Variants in PEX10 observed in about 807,000 individuals in gnomAD.
PEX10 encodes the protein peroxisome biogenesis factor 10.
In PEX10, 32 loss-of-function variants were observed where a neutral mutation model predicts 38.0. That is an observed-to-expected ratio of 0.84 (90% CI 0.63 to 1.13). PEX10 has a LOEUF of 1.13. Ranked by LOEUF, PEX10 falls within the 50% of genes most tolerant of loss-of-function variation. The probability of loss-of-function intolerance (pLI) is 0.00; values close to 1 mark genes in which losing one functional copy is unlikely to be tolerated. For synonymous variants in PEX10, 206 were observed against 207.3 expected, an observed-to-expected ratio of 0.99 and a Z score of 0.05; for missense variants, 483 against 457.7, an observed-to-expected ratio of 1.06 and a Z score of -0.51.
rs569889116 is a variant in PEX10, at chr1:2,406,360, C to T, written c.912+124G>A. 4 of 1,316,182 alleles carry T rather than the reference C, an allele frequency of 3.0e-6. No homozygotes were observed. The African/African-American group carries it at 5.8e-5, about 19-fold the overall frequency. 81.5% of individuals were successfully genotyped at this position (1,316,182 alleles called of 1,614,324 possible). ...TACCTGGGAGCCTTTAAAAAGATGCCCACCTCTGTACCCTCAAAACTGGAG... is the reference window on the plus strand; with the variant it reads ...TACCTGGGAGCCTTTAAAAAGATGCTCACCTCTGTACCCTCAAAACTGGAG... On this transcript the variant is annotated intron_variant, in intron 5 of 5. Transcript: ENST00000447513.
At position 2,406,256 on chromosome 1, in the gene PEX10, T is replaced by C. The variant is rs1435497188; in HGVS notation, c.912+228A>G. Among the ~76,000 whole-genome samples the C allele has an allele frequency of 9.2e-5, 14 of 152,286 alleles. No homozygotes were observed. The South Asian group carries it at 2.1e-3, about 23-fold the overall frequency. On this transcript the variant is annotated intron_variant, in intron 5 of 5. Transcript: ENST00000447513. ...CGTGGGGCCTTTCAGGGCTGGCCAC[T>C]ACCCCAACCTGCATTCGGCAAAGCC...
rs1642920089 is a variant in PEX10, at chr1:2,404,137, C to G, written c.*1629G>C. ...GAGACACTGACATGCGAGTGAAGGC[C>G]TCTCCTCCTGGGCCCCGGGCTGCGC... is the stretch of plus-strand genomic sequence containing the variant. On this transcript the variant is annotated 3_prime_UTR_variant, in exon 6 of 6. Coordinates refer to ENST00000447513, the MANE Select transcript of PEX10 (RefSeq NM_002617.4). 4 of 152,128 alleles carry G rather than the reference C, an allele frequency of 2.6e-5. No individual in the cohort carries two copies. Among genetic ancestry groups the G allele is most frequent in the Admixed American group, 6.5e-5 (1 of 15,274 alleles). 9.4% of individuals were successfully genotyped at this position (152,128 alleles called of 1,614,324 possible).
At chr1:2,408,365 G>A in intron 3 of PEX10, 87 bp downstream of exon 3, 1 of 1,427,556 alleles carries the variant, frequency 7.0e-7, no homozygotes, top group South Asian at 1.1e-5. Context: ...TGAGAGGCCT[G>A]GAGGGCCAGC....
Position 2,406,482 on chromosome 1 carries a change from A to C in PEX10, c.912+2T>G. The C allele has an allele frequency of 6.2e-7, 1 of 1,611,222 alleles. No homozygotes were observed. The highest frequency in any genetic ancestry group is 8.5e-7 in the Non-Finnish European group (1 of 1,179,892). Reference sequence around the variant, plus strand: ...CAGGACGGCAGCAGGCTCCCACCTCACCTTGCTGCTGCACCACGCGGTGAT... The same window carrying C: ...CAGGACGGCAGCAGGCTCCCACCTCCCCTTGCTGCTGCACCACGCGGTGAT... On this transcript the variant is annotated splice_donor_variant, in intron 5 of 5. Coordinates refer to ENST00000447513, the MANE Select transcript of PEX10 (RefSeq NM_002617.4). LOFTEE classifies it high-confidence loss of function.
intron 5 of PEX10, 93 bp from the exon 6 acceptor site, chr1:2,405,927 CAT>C (rs1185388639): frequency 1.1e-6 from 1 of 946,872 alleles, no homozygotes; most frequent in Non-Finnish European, 1.6e-6. Flanking sequence ...ATTCTCTGCA[CAT>C]GACACACAAC....
In PEX10 at chr1:2,408,635, T is replaced by C. The variant is rs780687424; in HGVS notation, c.417A>G (p.Ser139=). Residue 139 remains serine (S), a synonymous_variant, in exon 3 of 6, where the codon TCA becomes TCG. Transcript: ENST00000447513. Reference sequence around the variant, plus strand: ...GGTGACGCATCCAGCGCCGCGCCCCTGAGCAGCCACGCCCACCTGGCCCCA... The same window carrying C: ...GGTGACGCATCCAGCGCCGCGCCCCCGAGCAGCCACGCCCACCTGGCCCCA... ...GSLGPGGRGC[S]GARRWMRHHT... is the part of the protein sequence containing the mutation. 17 of 1,610,706 alleles carry C rather than the reference T, an allele frequency of 1.1e-5. No homozygotes were observed. The highest frequency in any genetic ancestry group is 1.4e-5 in the Non-Finnish European group (17 of 1,179,254).
Position 2,412,510 on chromosome 1 carries a change from G to A in PEX10, c.-8C>T. On this transcript the variant is annotated 5_prime_UTR_variant, in exon 1 of 6. Transcript: ENST00000447513. Reference sequence around the variant, plus strand: ...GGCGGCGGCCGGGGCCATGGCCGCGGGTTCGGGTGGTCCCGAGCAGCCACG... The same window carrying A: ...GGCGGCGGCCGGGGCCATGGCCGCGAGTTCGGGTGGTCCCGAGCAGCCACG... The A allele has an allele frequency of 7.4e-7, 1 of 1,350,228 alleles. No individual in the cohort carries two copies. Among genetic ancestry groups the A allele is most frequent in the Non-Finnish European group, 9.5e-7 (1 of 1,054,834 alleles). The allele number at this position is 1,350,228 out of a possible 1,614,324, so 83.6% of individuals were successfully genotyped here. A position where few individuals can be genotyped will look rare whatever the true frequency, so the allele number is the denominator to read the frequency against.
At position 2,410,982 on chromosome 1, in the gene PEX10, TCTC is replaced by T. The variant is rs530360131; in HGVS notation, c.113-534_113-532del. On this transcript the variant is annotated intron_variant, in intron 1 of 5. Transcript: ENST00000447513. The surrounding 1 kb of genome is among the most constrained non-coding windows in gnomAD (Gnocchi z 5.1). ...ACAAGTAAGTACACACACAAAAAAT[TCTC>T]ATCATGTCACTCTCCTGTTCAGAAT... is the stretch of plus-strand genomic sequence containing the variant. 1,397 of 415,712 alleles carry T rather than the reference TCTC, an allele frequency of 3.4e-3. 16 individuals carry two copies. The highest frequency in any genetic ancestry group is 0.027 in the African/African-American group (1,305 of 49,154). 25.8% of individuals were successfully genotyped at this position (415,712 alleles called of 1,614,324 possible). A position where few individuals can be genotyped will look rare whatever the true frequency, so the allele number is the denominator to read the frequency against.
At chr1:2,408,345 C>A in intron 3 of PEX10, 107 bp downstream of exon 3, 1 of 1,209,124 alleles carries the variant, frequency 8.3e-7, no homozygotes, top group South Asian at 1.2e-5. Flanking sequence ...GGATGTAGAA[C>A]CCTGTTGGCT....
Position 2,410,044 on chromosome 1 carries a change from C to T in PEX10, c.193+327G>A. On this transcript the variant is annotated intron_variant, in intron 2 of 5. Transcript: ENST00000447513. This position sits in a 1 kb window ranked among gnomAD's most constrained non-coding sequence, Gnocchi z 5.1. Reference sequence around the variant, plus strand: ...CCACTGCTCCACCAGGGCACTGTCACACGGGCACTGCACCCTATGACATGG... The same window carrying T: ...CCACTGCTCCACCAGGGCACTGTCATACGGGCACTGCACCCTATGACATGG... The T allele has an allele frequency of 2.7e-6, 1 of 372,428 alleles. No homozygotes were observed. The highest frequency in any genetic ancestry group is 5.2e-6 in the Non-Finnish European group (1 of 192,392). 23.1% of individuals were successfully genotyped at this position (372,428 alleles called of 1,614,324 possible).
rs911470303 is a variant in PEX10 at position 2,407,097 on chromosome 1, G to A, written c.601-202C>T. 5.6e-5 allele frequency: 40 copies of A among 718,226 alleles called. 2 individuals are homozygous for A. The South Asian group carries it at 6.0e-4, about 11-fold the overall frequency. 44.5% of individuals were successfully genotyped at this position (718,226 alleles called of 1,614,324 possible). A position where few individuals can be genotyped will look rare whatever the true frequency, so the allele number is the denominator to read the frequency against. On this transcript the variant is annotated intron_variant, in intron 3 of 5. Transcript: ENST00000447513. Reference sequence around the variant, plus strand: ...TGCCTGCTTCGTAGCCTAGCATGACGGAGAGGCCTGAGCTCCAGACCAGCC... The same window carrying A: ...TGCCTGCTTCGTAGCCTAGCATGACAGAGAGGCCTGAGCTCCAGACCAGCC...
In PEX10 at chr1:2,406,711, C is replaced by T. The variant is rs528387404; in HGVS notation, c.776+9G>A. On this transcript the variant is annotated intron_variant, in intron 4 of 5. Transcript: ENST00000447513. ...ACCCCCAGCCCCCATGTGTGGCCCC[C>T]GCACGCACCTGCGGTGAGACAGGCC... 80 of 1,608,904 alleles carry T rather than the reference C, an allele frequency of 5.0e-5. No individual in the cohort carries two copies. Among genetic ancestry groups the T allele is most frequent in the South Asian group, 4.6e-4 (42 of 90,440 alleles).
upstream of PEX10, among the ~76,000 whole-genome samples, chr1:2,413,430 G>A (rs1643356298): frequency 6.6e-6 from 1 of 152,390 alleles, no homozygotes; most frequent in Middle Eastern, 3.4e-3. Context: ...CACACCTGGA[G>A]GGGACAGAAC....
Position 2,404,772 on chromosome 1 carries a change from G to A in PEX10, c.*994C>T, listed in dbSNP as rs997587976. On this transcript the variant is annotated 3_prime_UTR_variant, in exon 6 of 6. Coordinates refer to ENST00000447513, the MANE Select transcript of PEX10 (RefSeq NM_002617.4). ...CGCCCTCGAGGCATTTTAACACTGC[G>A]CTTCAGGAAATCTCAAGTTCCATCT... 6.6e-6 allele frequency: 1 copy of A among 152,374 alleles called. No individual in the cohort carries two copies. The highest frequency in any genetic ancestry group is 1.5e-5 in the Non-Finnish European group (1 of 68,050). 9.4% of individuals were successfully genotyped at this position (152,374 alleles called of 1,614,324 possible).
At chr1:2,407,027 C>T (rs1002674741) in intron 3 of PEX10, 132 bp from the exon 4 acceptor site, 16 of 1,280,066 alleles carry the variant, frequency 1.2e-5, no homozygotes, top group African/African-American at 8.8e-5. Context: ...GGGGAGTGCC[C>T]GGCAGAAACG....
chr1:2,412,812 G>C (rs1337811938), upstream of PEX10, among the ~76,000 whole-genome samples: 1 of 152,112 alleles, frequency 6.6e-6, no homozygotes, highest in South Asian at 2.1e-4. Context: ...GCGAGGCAGC[G>C]GGATGGGCTC....
At chr1:2,406,979 G>T in intron 3 of PEX10, 84 bp from the exon 4 acceptor site, 4 of 1,537,970 alleles carry the variant, frequency 2.6e-6, no homozygotes, top group South Asian at 2.4e-5. Flanking sequence ...ACGTTCAGTT[G>T]GCACAGAGCA....
intron 5 of PEX10, among the ~76,000 whole-genome samples, chr1:2,406,272 C>T (rs1322263458): frequency 3.3e-5 from 5 of 152,194 alleles, no homozygotes; most frequent in Admixed American, 6.5e-5. Context: ...AACCTGCATT[C>T]GGCAAAGCCT....
At position 2,410,732 on chromosome 1, in the gene PEX10, A is replaced by G. The variant is rs1052741192; in HGVS notation, c.113-281T>C. On this transcript the variant is annotated intron_variant, in intron 1 of 5. Coordinates refer to ENST00000447513, the MANE Select transcript of PEX10 (RefSeq NM_002617.4). This position sits in a 1 kb window ranked among gnomAD's most constrained non-coding sequence, Gnocchi z 5.1. Reference sequence around the variant, plus strand: ...CTGTTCTAGGGCCTATGAGGGCCACATGGAAAGATGGTCTGGGGTATTAAG... The same window carrying G: ...CTGTTCTAGGGCCTATGAGGGCCACGTGGAAAGATGGTCTGGGGTATTAAG... 2 of 538,986 alleles carry G rather than the reference A, an allele frequency of 3.7e-6. 1 individual carries two copies. Among genetic ancestry groups the G allele is most frequent in the East Asian group, 9.4e-5 (2 of 21,352 alleles). 33.4% of individuals were successfully genotyped at this position (538,986 alleles called of 1,614,324 possible).
Sources: allele counts gnomAD v4.1 joint callset (sites outside exome capture counted in the v4.1 genomes callset), GRCh38; gene constraint gnomAD v4.1.1; non-coding constraint Gnocchi (gnomAD v3.1); transcripts MANE v1.5; gene names NCBI Gene and HGNC (gene_info 2026-07-23, HGNC 2026-07-21).